Variants in AP3D1 observed in about 807,000 individuals in gnomAD.
AP3D1 encodes the protein adaptor related protein complex 3 subunit delta 1.
In AP3D1, 51 loss-of-function variants were observed where a neutral mutation model predicts 147.6. The observed-to-expected ratio is 0.35, with a 90% CI of 0.28 to 0.44. The LOEUF (loss-of-function observed/expected upper bound fraction) is 0.44. AP3D1 is among the 20% of genes least tolerant of loss of function. The pLI, the probability that AP3D1 is intolerant of heterozygous loss-of-function variation, is 1.00. For synonymous variants in AP3D1, 760 were observed against 663.0 expected, an observed-to-expected ratio of 1.15 and a Z score of -2.25; for missense variants, 1,421 against 1,624.2, an observed-to-expected ratio of 0.87 and a Z score of 2.15.
chr19:2,140,588 C>T (rs935915264), intron 1 of AP3D1, among the ~76,000 whole-genome samples: 6 of 151,736 alleles, frequency 4.0e-5, no homozygotes, highest in African/African-American at 9.7e-5. Context: ...TGATCCTCCC[C>T]GCTAGCCTCC....
At chr19:2,105,050 C>A (rs776112141) in intron 31 of AP3D1, among the ~76,000 whole-genome samples, 26 of 152,144 alleles carry the variant, frequency 1.7e-4, no homozygotes, top group Admixed American at 7.9e-4. Context: ...ATGGAAGATA[C>A]AAGAAGGGCC....
intron 31 of AP3D1, among the ~76,000 whole-genome samples, chr19:2,106,597 C>A (rs911339656): frequency 6.6e-6 from 1 of 152,064 alleles, no homozygotes; most frequent in East Asian, 1.9e-4. Flanking sequence ...GGGACTCCAA[C>A]AGTTATTTGT....
chr19:2,128,454 G>A (rs1014919243), intron 8 of AP3D1, among the ~76,000 whole-genome samples: 2 of 126,040 alleles, frequency 1.6e-5, no homozygotes, highest in African/African-American at 3.3e-5. Context: ...ACTGCACCCC[G>A]TGGAGCCGGC....
upstream of AP3D1, among the ~76,000 whole-genome samples, chr19:2,152,819 T>C (rs1281592792): frequency 1.3e-5 from 2 of 151,754 alleles, no homozygotes. Context: ...GAGGTTGCAG[T>C]GAGCCGAGAT....
At chr19:2,118,018 G>T (rs1479770147) in intron 15 of AP3D1, among the ~76,000 whole-genome samples, 1 of 152,124 alleles carries the variant, frequency 6.6e-6, no homozygotes, top group Non-Finnish European at 1.5e-5. Context: ...AAATTAGCCG[G>T]GCGTGGTGGC....
chr19:2,158,793 T>C (rs2019670343), intron 1 of AP3D1, among the ~76,000 whole-genome samples: 2 of 152,146 alleles, frequency 1.3e-5, no homozygotes, highest in African/African-American at 4.8e-5. Flanking sequence ...CTGTTAGTCC[T>C]GCAAAGGCAG....
intron 1 of AP3D1, among the ~76,000 whole-genome samples, chr19:2,144,415 T>C (rs1599493061): frequency 6.6e-6 from 1 of 152,130 alleles, no homozygotes; most frequent in Non-Finnish European, 1.5e-5. Flanking sequence ...CACCGGGACC[T>C]ACCTCCACTC....
At chr19:2,112,580 G>C (rs2018314562) in intron 24 of AP3D1, 1 of 347,932 alleles carries the variant, frequency 2.9e-6, no homozygotes, top group Non-Finnish European at 5.2e-6. Flanking sequence ...GAACTAGACA[G>C]AGGTGATGAT....
chr19:2,150,329 C>T (rs1304524708), intron 1 of AP3D1, among the ~76,000 whole-genome samples: 1 of 152,198 alleles, frequency 6.6e-6, no homozygotes, highest in Admixed American at 6.6e-5. Context: ...CTCCCACTGC[C>T]CAAGGGCTGC....
At chr19:2,123,954 A>T in intron 9 of AP3D1, 75 bp from the exon 10 acceptor site, 1 of 1,486,052 alleles carries the variant, frequency 6.7e-7, no homozygotes, top group Non-Finnish European at 9.2e-7. Context: ...GCCACGGGGC[A>T]CCAGCACCCC....
chr19:2,110,262 CGGGGGCTCAGCATGGGT>C, intron 27 of AP3D1, 38 bp from the exon 28 acceptor site: 1 of 1,580,514 alleles, frequency 6.3e-7, no homozygotes, highest in Non-Finnish European at 8.7e-7. Flanking sequence ...TGAGACGCTG[CGGGGGCTCAGCATGGGT>C]GGGGCCTCCA....
At chr19:2,141,323 C>T (rs1354034471) in intron 1 of AP3D1, among the ~76,000 whole-genome samples, 1 of 151,904 alleles carries the variant, frequency 6.6e-6, no homozygotes, top group Admixed American at 6.6e-5. Flanking sequence ...CTATTTAATT[C>T]TGGGATGTAA....
intron 1 of AP3D1, among the ~76,000 whole-genome samples, chr19:2,145,122 C>T (rs2019323287): frequency 6.6e-6 from 1 of 152,188 alleles, no homozygotes; most frequent in African/African-American, 2.4e-5. Flanking sequence ...AAGAAAGGAA[C>T]CACCTTGGCT....
rs779370812 is a variant in AP3D1 at position 2,111,814 on chromosome 19, A to C, written c.2802T>G (p.Pro934=). 1 of 1,613,820 alleles carries C rather than the reference A, an allele frequency of 6.2e-7. No homozygotes were observed. ...GQDQDKKSPK[P]KKKKHRKEKE... is the part of the protein sequence containing the mutation. ...TCTCCTTCCTGTGCTTCTTCTTCTTAGGCTTGGGAGATTTCTGGAGCAAGA... is the reference window on the plus strand; with the variant it reads ...TCTCCTTCCTGTGCTTCTTCTTCTTCGGCTTGGGAGATTTCTGGAGCAAGA... The change falls in exon 25 of 32, where the codon CCT becomes CCG. Residue 934 remains proline, a synonymous_variant. Transcript: ENST00000643116.
At chr19:2,130,322 AC>A in intron 6 of AP3D1, 85 bp downstream of exon 6, 2 of 1,578,428 alleles carry the variant, frequency 1.3e-6, no homozygotes, top group Non-Finnish European at 1.7e-6. Context: ...TCCCCGCAGC[AC>A]CCCCCAAAAC....
intron 4 of AP3D1, among the ~76,000 whole-genome samples, chr19:2,135,704 T>C (rs2019058177): frequency 6.6e-6 from 1 of 151,774 alleles, no homozygotes; most frequent in South Asian, 2.1e-4. Context: ...ACACACAGGG[T>C]CTAACAGCCC....
chr19:2,104,357 C>G (rs112101715), intron 31 of AP3D1, among the ~76,000 whole-genome samples: 1 of 115,474 alleles, frequency 8.7e-6, no homozygotes, highest in Non-Finnish European at 1.9e-5. Context: ...AACACTGAGA[C>G]GCCAACACCC....
At chr19:2,111,235 CAA>C (rs746710526) in intron 26 of AP3D1, 48 bp downstream of exon 26, 28 of 1,609,828 alleles carry the variant, frequency 1.7e-5, no homozygotes, top group African/African-American at 5.3e-5. Context: ...GATCCCATGC[CAA>C]AGAGTGTGGG....
intron 1 of AP3D1, among the ~76,000 whole-genome samples, chr19:2,144,483 C>A (rs1160221222): frequency 1.3e-5 from 2 of 152,176 alleles, no homozygotes; most frequent in African/African-American, 4.8e-5. Context: ...CCAGAAACAG[C>A]CCCATCCAGG....
Sources: allele counts gnomAD v4.1 joint callset (sites outside exome capture counted in the v4.1 genomes callset), GRCh38; gene constraint gnomAD v4.1.1; transcripts MANE v1.5; gene names NCBI Gene and HGNC (gene_info 2026-07-23, HGNC 2026-07-21).